NRG4: variants seen among roughly 807,000 people sequenced by gnomAD.
NRG4 encodes the protein pro-neuregulin-4, membrane-bound isoform.
NRG4 carries 10 observed loss-of-function variants against 15.0 expected under a neutral mutation model. That is an observed-to-expected ratio of 0.67 (90% CI 0.41 to 1.13). The LOEUF (loss-of-function observed/expected upper bound fraction) is 1.13, where lower values mean the gene tolerates loss of function less well. Among genes scored for constraint, NRG4 ranks in the 50% most tolerant of loss-of-function variants. The pLI, the probability that NRG4 is intolerant of heterozygous loss-of-function variation, is 0.00. For synonymous variants in NRG4, 41 were observed against 50.1 expected (o/e 0.82, Z 0.77); for missense variants, 139 against 140.2 (o/e 0.99, Z 0.04).
At chr15:75,944,591 A>C (rs1438736863) in intron 5 of NRG4, among the ~76,000 whole-genome samples, 7 of 152,210 alleles carry the variant, frequency 4.6e-5, no homozygotes, top group Non-Finnish European at 1.0e-4. Flanking sequence ...TTGGTGAAGG[A>C]AGGTCATTAA....
Position 75,942,901 on chromosome 15 carries a change from AAGAT to A in NRG4, c.*733_*736del, listed in dbSNP as rs897856496. 1.3e-5 allele frequency: 2 copies of A among 152,344 alleles called. No individual in the cohort carries two copies. The highest frequency in any genetic ancestry group is 6.5e-5 in the Admixed American group (1 of 15,310). 9.4% of individuals were successfully genotyped at this position (152,344 alleles called of 1,614,324 possible). A position where few individuals can be genotyped will look rare whatever the true frequency, so the allele number is the denominator to read the frequency against. On this transcript the variant is annotated 3_prime_UTR_variant, in exon 6 of 6. Coordinates refer to ENST00000394907, the MANE Select transcript of NRG4 (RefSeq NM_138573.4). The stretch of plus-strand genomic sequence containing the variant: ...ATCAGTTCTTAATATTGCACCTAAA[AAGAT>A]AGAAACTGCATTCTGAAAAATCATG...
chr15:75,937,670 A>G (rs2030511403), downstream of NRG4: 1 of 152,226 alleles, frequency 6.6e-6, no homozygotes, highest in African/African-American at 2.4e-5. Flanking sequence ...GCCTCTCCCT[A>G]CATTGTGGCA....
intron 4 of NRG4, among the ~76,000 whole-genome samples, chr15:75,956,617 C>T (rs2032256048): frequency 6.6e-6 from 1 of 152,128 alleles, no homozygotes; most frequent in South Asian, 2.1e-4. Flanking sequence ...ATCACTTTTA[C>T]CATTGCAAAA....
At chr15:76,007,182 G>C (rs1002035676) in intron 3 of NRG4, among the ~76,000 whole-genome samples, 3 of 151,294 alleles carry the variant, frequency 2.0e-5, no homozygotes, top group African/African-American at 7.4e-5. Context: ...ATAAAGTTAA[G>C]GAATCATGCT....
At chr15:76,045,690 C>T (rs561524510) in intron 4 of NRG4, among the ~76,000 whole-genome samples, 1 of 150,806 alleles carries the variant, frequency 6.6e-6, no homozygotes, top group Non-Finnish European at 1.5e-5. Flanking sequence ...AAACAAACTT[C>T]GCATCTTCTC....
At chr15:76,024,979 AAAC>A (rs949378590) in intron 5 of NRG4, among the ~76,000 whole-genome samples, 40 of 152,306 alleles carry the variant, frequency 2.6e-4, no homozygotes, top group South Asian at 2.1e-4. Context: ...AAAAAACAAC[AAAC>A]AACAACAACA....
At chr15:76,008,648 G>A (rs891258220) in intron 3 of NRG4, among the ~76,000 whole-genome samples, 5 of 152,096 alleles carry the variant, frequency 3.3e-5, no homozygotes, top group Admixed American at 2.0e-4. Context: ...GTCACTGGCT[G>A]TATCTATACT....
chr15:76,024,447 C>G (rs754762970), intron 5 of NRG4, among the ~76,000 whole-genome samples: 1 of 152,218 alleles, frequency 6.6e-6, no homozygotes, highest in Non-Finnish European at 1.5e-5. Flanking sequence ...CATCCCAGGC[C>G]TGAGAAACAG....
At chr15:75,950,820 T>C (rs563551932) in intron 5 of NRG4, 1 of 153,006 alleles carries the variant, frequency 6.5e-6, no homozygotes, top group Admixed American at 6.5e-5. Context: ...TTTAATTGGA[T>C]TGACTTTTTA....
intron 3 of NRG4, among the ~76,000 whole-genome samples, chr15:75,973,269 G>T (rs1226844352): frequency 1.3e-5 from 2 of 152,058 alleles, no homozygotes; most frequent in Non-Finnish European, 2.9e-5. Flanking sequence ...AGGAGATTTG[G>T]GGCTGAGGGT....
chr15:75,968,565 C>T (rs1309561534), intron 3 of NRG4, among the ~76,000 whole-genome samples: 10 of 138,060 alleles, frequency 7.2e-5, no homozygotes, highest in Admixed American at 3.1e-4. Flanking sequence ...CCAGCCTTGG[C>T]GATAGAGCGA....
chr15:75,945,239 TGATA>T (rs1395858705), intron 5 of NRG4, among the ~76,000 whole-genome samples: 3 of 150,422 alleles, frequency 2.0e-5, no homozygotes, highest in Admixed American at 6.7e-5. Context: ...TTCCATTCTC[TGATA>T]TATATATTTT....
intron 3 of NRG4, chr15:76,052,199 C>T (rs970610436): frequency 6.6e-6 from 1 of 150,884 alleles, no homozygotes; most frequent in East Asian, 1.9e-4. Context: ...TAAGCAAGAA[C>T]AGAATATTTA....
At chr15:75,965,041 T>G (rs1243051243) in intron 3 of NRG4, among the ~76,000 whole-genome samples, 1 of 152,010 alleles carries the variant, frequency 6.6e-6, no homozygotes, top group Non-Finnish European at 1.5e-5. Context: ...CTAGCTAACA[T>G]GGTGAAACCC....
intron 3 of NRG4, among the ~76,000 whole-genome samples, chr15:75,970,561 C>G (rs2141831585): frequency 6.6e-6 from 1 of 152,328 alleles, no homozygotes; most frequent in Non-Finnish European, 1.5e-5. Flanking sequence ...TTGGGAATGA[C>G]CCTCAGGGAG....
intron 2 of NRG4, among the ~76,000 whole-genome samples, chr15:76,056,762 C>G (rs1430761015): frequency 1.3e-5 from 2 of 152,196 alleles, no homozygotes; most frequent in Non-Finnish European, 2.9e-5. Context: ...TCTATTTTCA[C>G]AAGCAACTAT....
At chr15:76,044,621 G>C (rs1481589333) in intron 4 of NRG4, among the ~76,000 whole-genome samples, 2 of 149,464 alleles carry the variant, frequency 1.3e-5, no homozygotes, top group Non-Finnish European at 3.0e-5. Flanking sequence ...GGATCATGAG[G>C]TCAGGAGATC....
intron 3 of NRG4, among the ~76,000 whole-genome samples, chr15:76,003,509 T>C (rs1445281960): frequency 2.6e-5 from 4 of 151,856 alleles, no homozygotes; most frequent in African/African-American, 2.4e-5. Context: ...AAGACAAGGA[T>C]AGAAAGAATA....
Position 76,002,798 on chromosome 15 carries a change from T to C in NRG4, c.104+6402A>G, listed in dbSNP as rs191356161. Among the ~76,000 whole-genome samples, 9 of 152,240 alleles carry C rather than the reference T, an allele frequency of 5.9e-5. No individual in the cohort carries two copies. In the East Asian group the frequency reaches 1.7e-3, roughly 29 times the overall value. On this transcript the variant is annotated intron_variant, in intron 3 of 5. Transcript: ENST00000394907. ...AGCACATCAGAAGTCTAAACTTATG[T>C]ACATGTAATAATTAACATAGCTTCA...
Sources: allele counts gnomAD v4.1 joint callset (sites outside exome capture counted in the v4.1 genomes callset), GRCh38; gene constraint gnomAD v4.1.1; transcripts MANE v1.5; gene names NCBI Gene and HGNC (gene_info 2026-07-23, HGNC 2026-07-21).